SLC39A11: variants seen among roughly 807,000 people sequenced by gnomAD.
SLC39A11 encodes the protein solute carrier family 39 member 11.
In SLC39A11, 33 loss-of-function variants were observed where a neutral mutation model predicts 36.1. That is an observed-to-expected ratio of 0.91 (90% confidence interval 0.69 to 1.22). The LOEUF is 1.22. Ranked by LOEUF, SLC39A11 falls within the 50% of genes most tolerant of loss-of-function variation. The pLI is 0.00. For missense variants in SLC39A11, 432 were observed against 430.3 expected, an observed-to-expected ratio of 1.00 and a Z score of -0.03; for synonymous variants, 166 against 170.3, an observed-to-expected ratio of 0.97 and a Z score of 0.20.
At chr17:72,755,952 T>C (rs2075353837) in intron 6 of SLC39A11, among the ~76,000 whole-genome samples, 1 of 152,172 alleles carries the variant, frequency 6.6e-6, no homozygotes, top group Non-Finnish European at 1.5e-5. Context: ...GAGCCAAAGG[T>C]TGACGCTGTT....
intron 4 of SLC39A11, among the ~76,000 whole-genome samples, chr17:72,950,025 A>C (rs2085754488): frequency 6.6e-6 from 1 of 151,522 alleles, no homozygotes; most frequent in Non-Finnish European, 1.5e-5. Context: ...TGTCATGATG[A>C]TGAGAGTTAA....
At chr17:72,897,851 T>C (rs2082108929) in intron 5 of SLC39A11, among the ~76,000 whole-genome samples, 1 of 152,064 alleles carries the variant, frequency 6.6e-6, no homozygotes, top group African/African-American at 2.4e-5. Context: ...GAGTCAGTGG[T>C]ATACTGAGGG....
chr17:72,668,802 G>A (rs1167378112), intron 7 of SLC39A11, among the ~76,000 whole-genome samples: 2 of 152,174 alleles, frequency 1.3e-5, no homozygotes, highest in African/African-American at 4.8e-5. Flanking sequence ...GTGGAAATAG[G>A]AGTTTATAGC....
intron 4 of SLC39A11, among the ~76,000 whole-genome samples, chr17:72,990,501 T>C (rs765091796): frequency 2.0e-5 from 3 of 152,194 alleles, no homozygotes; most frequent in Non-Finnish European, 4.4e-5. Flanking sequence ...CACTGAAACC[T>C]TGGCTTCCCA....
intron 3 of SLC39A11, among the ~76,000 whole-genome samples, chr17:73,043,075 T>G (rs975443477): frequency 1.1e-4 from 17 of 152,052 alleles, no homozygotes; most frequent in African/African-American, 3.9e-4. Context: ...TAGGATAAAT[T>G]AAGAAAGTCT....
chr17:72,793,202 C>T (rs2076774033), intron 6 of SLC39A11, among the ~76,000 whole-genome samples: 1 of 152,096 alleles, frequency 6.6e-6, no homozygotes, highest in African/African-American at 2.4e-5. Flanking sequence ...TATGGCAAAG[C>T]ACCAGACAAA....
At chr17:73,022,306 G>A (rs961640039) in intron 4 of SLC39A11, among the ~76,000 whole-genome samples, 2 of 152,198 alleles carry the variant, frequency 1.3e-5, no homozygotes, top group Admixed American at 1.3e-4. Flanking sequence ...CTAAGAATCA[G>A]CCAGCAGGCC....
At chr17:72,790,324 C>T (rs777721125) in intron 6 of SLC39A11, among the ~76,000 whole-genome samples, 2 of 152,090 alleles carry the variant, frequency 1.3e-5, no homozygotes, top group Non-Finnish European at 2.9e-5. Context: ...AACCATGTGA[C>T]CTGGATAAAC....
At chr17:72,936,858 A>T (rs1289269888) in intron 5 of SLC39A11, among the ~76,000 whole-genome samples, 1 of 152,162 alleles carries the variant, frequency 6.6e-6, no homozygotes, top group African/African-American at 2.4e-5. Context: ...CGTTCACAAC[A>T]GGGTTCTCGC....
intron 7 of SLC39A11, among the ~76,000 whole-genome samples, chr17:72,676,564 A>G (rs777600811): frequency 4.6e-5 from 7 of 152,174 alleles, no homozygotes; most frequent in African/African-American, 7.2e-5. Flanking sequence ...GAGTAAACAT[A>G]GCAGGTGTGA....
intron 4 of SLC39A11, among the ~76,000 whole-genome samples, chr17:72,976,588 C>T (rs547927288): frequency 8.5e-5 from 13 of 152,210 alleles, no homozygotes; most frequent in Non-Finnish European, 1.2e-4. Context: ...CGGTGGCTCA[C>T]GCCTGTAATC....
At chr17:72,716,180 G>A (rs532529443) in intron 7 of SLC39A11, among the ~76,000 whole-genome samples, 1 of 152,096 alleles carries the variant, frequency 6.6e-6, no homozygotes, top group Non-Finnish European at 1.5e-5. Flanking sequence ...GTTGGGCAGA[G>A]GCCCCTGGCA....
intron 2 of SLC39A11, 80 bp from the exon 3 acceptor site, chr17:73,084,926 C>A: frequency 6.9e-7 from 1 of 1,450,006 alleles, no homozygotes. Context: ...ACCATAAGGC[C>A]CAAAAGAGCC....
chr17:72,904,364 C>A (rs2082542830), intron 5 of SLC39A11, among the ~76,000 whole-genome samples: 1 of 152,180 alleles, frequency 6.6e-6, no homozygotes, highest in African/African-American at 2.4e-5. Flanking sequence ...GCAAAGGAAC[C>A]CAACACGTTC....
At chr17:73,028,976 G>A (rs960543980) in intron 4 of SLC39A11, among the ~76,000 whole-genome samples, 5 of 152,014 alleles carry the variant, frequency 3.3e-5, no homozygotes, top group Non-Finnish European at 5.9e-5. Flanking sequence ...AAATTAGCCA[G>A]GCATGGCAGC....
At chr17:72,781,587 C>A (rs921607785) in intron 6 of SLC39A11, among the ~76,000 whole-genome samples, 6 of 152,042 alleles carry the variant, frequency 3.9e-5, no homozygotes, top group African/African-American at 1.4e-4. Context: ...CCATGCCCAG[C>A]TAATTTTTTG....
chr17:72,987,938 T>TA (rs2088879600), intron 4 of SLC39A11, among the ~76,000 whole-genome samples: 1 of 152,202 alleles, frequency 6.6e-6, no homozygotes. Context: ...ATGAATGGTT[T>TA]AAAAAGAGCA....
intron 7 of SLC39A11, among the ~76,000 whole-genome samples, chr17:72,690,301 A>T (rs1490766333): frequency 6.6e-6 from 1 of 152,176 alleles, no homozygotes; most frequent in Non-Finnish European, 1.5e-5. Flanking sequence ...TCCCAGGGGG[A>T]CGTCCTGGTG....
intron 4 of SLC39A11, among the ~76,000 whole-genome samples, chr17:72,994,961 G>C (rs1166857325): frequency 6.6e-6 from 1 of 152,178 alleles, no homozygotes; most frequent in East Asian, 1.9e-4. Context: ...AGTTAGGTAA[G>C]ACCCTGCCCT....
Sources: gnomAD v4.1 joint callset for allele counts (sites outside exome capture counted in the v4.1 genomes callset) on GRCh38, gnomAD v4.1.1 for gene constraint, MANE v1.5 for transcripts, NCBI Gene and HGNC (gene_info 2026-07-23, HGNC 2026-07-21) for gene names.